SAMD12: variants seen among roughly 807,000 people sequenced by gnomAD.
SAMD12 encodes the protein sterile alpha motif domain-containing protein 12.
A neutral mutation model predicts 15.0 loss-of-function variants in SAMD12; 9 were observed. That is an observed-to-expected ratio of 0.60 (90% CI 0.36 to 1.05). SAMD12 has a LOEUF of 1.05. SAMD12 is among the 50% of genes least tolerant of loss of function. SAMD12 has a pLI of 0.01. For missense variants in SAMD12, 230 were observed against 234.2 expected (o/e 0.98, Z 0.12); for synonymous variants, 86 against 90.1 (o/e 0.96, Z 0.25).
At chr8:118,143,844 C>G in the SAMD12 span, among the ~76,000 whole-genome samples, 1 of 152,104 alleles carries the variant, frequency 6.6e-6, no homozygotes, top group Non-Finnish European at 1.5e-5. Context: ...TTTCCCAGAC[C>G]CCCAGATCCT....
intron 3 of SAMD12, among the ~76,000 whole-genome samples, chr8:118,413,037 C>T (rs147740253): frequency 1.8e-4 from 27 of 152,202 alleles, no homozygotes; most frequent in South Asian, 1.7e-3. Context: ...ATACCTGGGC[C>T]GGTCTGCTGG....
At chr8:118,155,166 CTAA>C in the SAMD12 span, among the ~76,000 whole-genome samples, 1 of 152,032 alleles carries the variant, frequency 6.6e-6, no homozygotes, top group African/African-American at 2.4e-5. Flanking sequence ...TATATTATAT[CTAA>C]TGTATTATAA....
chr8:118,480,592 G>A (rs1463974168), intron 2 of SAMD12, among the ~76,000 whole-genome samples: 3 of 152,192 alleles, frequency 2.0e-5, no homozygotes, highest in Non-Finnish European at 4.4e-5. Flanking sequence ...GGTATAAACT[G>A]TTGCAATAGT....
intron 2 of SAMD12, among the ~76,000 whole-genome samples, chr8:118,570,276 G>A (rs556732186): frequency 6.6e-6 from 1 of 152,218 alleles, no homozygotes; most frequent in South Asian, 2.1e-4. Flanking sequence ...CTTGTGTCAG[G>A]GGGCTTATTG....
the SAMD12 span, among the ~76,000 whole-genome samples, chr8:118,143,302 T>C: frequency 4.0e-3 from 613 of 152,294 alleles, 2 homozygotes; most frequent in Non-Finnish European, 4.8e-3. Flanking sequence ...CCCAAGTCAA[T>C]TTACATAAAT....
the SAMD12 span, among the ~76,000 whole-genome samples, chr8:118,145,903 C>T: frequency 1.3e-5 from 2 of 152,218 alleles, no homozygotes; most frequent in African/African-American, 4.8e-5. Context: ...TGAGGCAGAG[C>T]TTGAAGGCAT....
intron 3 of SAMD12, among the ~76,000 whole-genome samples, chr8:118,401,322 T>C (rs548566102): frequency 6.6e-6 from 1 of 152,308 alleles, no homozygotes; most frequent in Admixed American, 6.5e-5. Context: ...GCAATAGTCT[T>C]ACTGGTTCCT....
chr8:118,296,657 C>T (rs539802519), intron 4 of SAMD12, among the ~76,000 whole-genome samples: 8 of 152,164 alleles, frequency 5.3e-5, no homozygotes, highest in Admixed American at 2.0e-4. Context: ...CTGACACAGC[C>T]GAGATTGGAA....
intron 4 of SAMD12, among the ~76,000 whole-genome samples, chr8:118,308,343 C>CACTT (rs2130375593): frequency 6.6e-6 from 1 of 152,164 alleles, no homozygotes; most frequent in East Asian, 1.9e-4. Context: ...GATACCAAGA[C>CACTT]ACTTACTGTA....
chr8:118,218,353 A>G (rs553908871), intron 4 of SAMD12, among the ~76,000 whole-genome samples: 1 of 152,342 alleles, frequency 6.6e-6, no homozygotes, highest in African/African-American at 2.4e-5. Context: ...GCTAATTAAC[A>G]TATCCATCAC....
chr8:118,316,537 C>G (rs1487071608), intron 4 of SAMD12, among the ~76,000 whole-genome samples: 1 of 149,136 alleles, frequency 6.7e-6, no homozygotes, highest in Non-Finnish European at 1.5e-5. Context: ...TGCCTCAAAA[C>G]AAACAAACAA....
chr8:118,282,172 T>C (rs1191253488), intron 4 of SAMD12: 1 of 406,246 alleles, frequency 2.5e-6, no homozygotes, highest in Admixed American at 2.9e-5. Context: ...TAAGTAAAAA[T>C]GATTACTTCC....
intron 4 of SAMD12, among the ~76,000 whole-genome samples, chr8:118,287,967 T>C (rs777522959): frequency 9.2e-5 from 14 of 152,158 alleles, no homozygotes; most frequent in South Asian, 6.2e-4. Flanking sequence ...TTCTGGATTG[T>C]TTAATTTAAA....
intron 2 of SAMD12, among the ~76,000 whole-genome samples, chr8:118,525,490 C>T (rs534281659): frequency 2.6e-5 from 4 of 152,190 alleles, no homozygotes; most frequent in African/African-American, 9.7e-5. Context: ...TCCCCAGCAC[C>T]CTGAGCAGTG....
chr8:118,330,557 G>A (rs2130495893), intron 4 of SAMD12, among the ~76,000 whole-genome samples: 1 of 152,244 alleles, frequency 6.6e-6, no homozygotes, highest in Non-Finnish European at 1.5e-5. Flanking sequence ...CTTTGGAAGA[G>A]ACTGATCACA....
intron 2 of SAMD12, among the ~76,000 whole-genome samples, chr8:118,497,673 A>G (rs1450633524): frequency 5.2e-5 from 7 of 135,174 alleles, no homozygotes; most frequent in African/African-American, 1.1e-4. Flanking sequence ...AAATTTACCA[A>G]TGTAACATAC....
intron 2 of SAMD12, among the ~76,000 whole-genome samples, chr8:118,554,873 A>G (rs908351776): frequency 2.0e-5 from 3 of 152,184 alleles, no homozygotes; most frequent in Non-Finnish European, 2.9e-5. Context: ...TGCCTGTCCT[A>G]TGAATTTCAG....
chr8:118,528,218 G>T (rs1470339192), intron 2 of SAMD12, among the ~76,000 whole-genome samples: 1 of 152,132 alleles, frequency 6.6e-6, no homozygotes, highest in Non-Finnish European at 1.5e-5. Context: ...TTTTAGTAGA[G>T]ATGGGGTTTA....
chr8:118,606,302 A>G (rs1473878288), intron 1 of SAMD12, among the ~76,000 whole-genome samples: 1 of 152,140 alleles, frequency 6.6e-6, no homozygotes, highest in Non-Finnish European at 1.5e-5. Flanking sequence ...CCTCAAGAAA[A>G]AGACTCAAGA....
Sources: allele counts gnomAD v4.1 joint callset (sites outside exome capture counted in the v4.1 genomes callset), GRCh38; gene constraint gnomAD v4.1.1; transcripts MANE v1.5; gene names NCBI Gene and HGNC (gene_info 2026-07-23, HGNC 2026-07-21).